The following KLHL24 variants were observed in gnomAD, a reference collection of about 807,000 sequenced individuals.
KLHL24 encodes kelch like family member 24.
In KLHL24, 29 loss-of-function variants were observed where a neutral mutation model predicts 53.4. That is an observed-to-expected ratio of 0.54 (90% confidence interval 0.40 to 0.74). The LOEUF (loss-of-function observed/expected upper bound fraction) is 0.74. Ranked by LOEUF, KLHL24 falls within the 30% of genes least tolerant of loss-of-function variation. The pLI, the probability that KLHL24 is intolerant of heterozygous loss-of-function variation, is 0.00. For missense variants in KLHL24, 504 were observed against 744.0 expected (o/e 0.68, Z 3.75); for synonymous variants, 222 against 253.7 (o/e 0.88, Z 1.19).
intron 2 of KLHL24, among the ~76,000 whole-genome samples, chr3:183,647,414 C>CA (rs1394808036): frequency 1.0e-4 from 15 of 147,288 alleles, no homozygotes; most frequent in Middle Eastern, 3.9e-3. Flanking sequence ...GACTCCGTCT[C>CA]AAAAAAAATT....
intron 1 of KLHL24, among the ~76,000 whole-genome samples, chr3:183,640,809 C>T (rs913993941): frequency 5.9e-5 from 9 of 151,920 alleles, no homozygotes; most frequent in Non-Finnish European, 1.0e-4. Context: ...ACTATGTTGG[C>T]CAGGCTGGTC....
intron 2 of KLHL24, among the ~76,000 whole-genome samples, chr3:183,649,736 T>TA (rs35862164): frequency 0.34 from 49,434 of 145,790 alleles, 8,855 homozygotes; most frequent in African/African-American, 0.48. Flanking sequence ...CTACAAAAAG[T>TA]AAAAAAAAAA....
chr3:183,639,373 G>C (rs1299167444), intron 1 of KLHL24, among the ~76,000 whole-genome samples: 1 of 152,146 alleles, frequency 6.6e-6, no homozygotes, highest in African/African-American at 2.4e-5. Flanking sequence ...GCTCACGCCT[G>C]TAATCCCAGC....
At chr3:183,656,550 G>A (rs1416426637) in intron 3 of KLHL24, among the ~76,000 whole-genome samples, 1 of 152,114 alleles carries the variant, frequency 6.6e-6, no homozygotes, top group Admixed American at 6.5e-5. Flanking sequence ...AACTTAAACA[G>A]GTCTTAAATT....
rs983971067 is a variant in KLHL24 at position 183,672,334 on chromosome 3, T to G, written c.1452T>G (p.Leu484=). 2 of 1,607,476 alleles carry G rather than the reference T, an allele frequency of 1.2e-6. No homozygotes were observed. The highest frequency in any genetic ancestry group is 1.7e-6 in the Non-Finnish European group (2 of 1,176,436). ...SYDPETNSWL[L]RAAIPIAKRC... ...ATCCAGAAACCAATTCTTGGCTACT[T>G]CGTGCAGCTATCCCAATTGCCAAAA... Residue 484 remains leucine, a synonymous_variant, in exon 7 of 8, where the codon CTT becomes CTG. Transcript: ENST00000242810.
Position 183,682,309 on chromosome 3 carries a change from C to G in KLHL24, c.*3023C>G. The G allele has an allele frequency of 6.6e-6, 1 of 152,138 alleles. No individual in the cohort carries two copies. 9.4% of individuals were successfully genotyped at this position (152,138 alleles called of 1,614,324 possible). The stretch of plus-strand genomic sequence containing the variant: ...TATGTGAGTCAGCTACAAAAGTGGT[C>G]TAATTTTTACAACAGTAGAACTTCC... On this transcript the variant is annotated 3_prime_UTR_variant, in exon 8 of 8. Transcript: ENST00000242810.
chr3:183,648,956 T>C (rs1443352449), intron 2 of KLHL24, among the ~76,000 whole-genome samples: 1 of 151,838 alleles, frequency 6.6e-6, no homozygotes, highest in Non-Finnish European at 1.5e-5. Flanking sequence ...TGAGTCAAGA[T>C]CGCGCCATTG....
Position 183,651,112 on chromosome 3 carries a change from G to C in KLHL24, c.756G>C (p.Leu252=). The change falls in exon 3 of 8, where the codon CTG becomes CTC. Residue 252 remains leucine (L), a synonymous_variant. Coordinates refer to ENST00000242810, the MANE Select transcript of KLHL24 (RefSeq NM_017644.3). ...DLRRPLLHEL[L]THVRLPLLHP... ...GAAGACCACTGTTACACGAGCTCCT[G>C]ACACATGTGAGACTCCCTCTGTTGC... 1 of 1,614,140 alleles carries C rather than the reference G, an allele frequency of 6.2e-7. No homozygotes were observed. Among genetic ancestry groups the C allele is most frequent in the Non-Finnish European group, 8.5e-7 (1 of 1,180,018 alleles).
chr3:183,641,233 G>A (rs1032422444), intron 1 of KLHL24, among the ~76,000 whole-genome samples: 4 of 151,968 alleles, frequency 2.6e-5, no homozygotes, highest in East Asian at 1.9e-4. Context: ...AGTGGCTCAC[G>A]CCTGTAATCC....
At chr3:183,656,059 T>TTTTTTTTC (rs1178459038) in intron 3 of KLHL24, among the ~76,000 whole-genome samples, 6 of 135,764 alleles carry the variant, frequency 4.4e-5, no homozygotes, top group African/African-American at 8.3e-5. Context: ...TTTTTTTTTT[T>TTTTTTTTC]TTTCTGAGAC....
intron 5 of KLHL24, among the ~76,000 whole-genome samples, chr3:183,665,629 A>G (rs997558901): frequency 1.3e-5 from 2 of 151,986 alleles, no homozygotes; most frequent in African/African-American, 4.8e-5. Context: ...GGGTGCCTGT[A>G]GTCCCAGCCA....
chr3:183,674,782 G>C (rs779185420), intron 7 of KLHL24, among the ~76,000 whole-genome samples: 1 of 152,102 alleles, frequency 6.6e-6, no homozygotes, highest in Non-Finnish European at 1.5e-5. Flanking sequence ...TGACCTTTCA[G>C]CTTCACATTC....
intron 5 of KLHL24, among the ~76,000 whole-genome samples, chr3:183,670,013 G>A (rs1373806592): frequency 6.6e-6 from 1 of 152,208 alleles, no homozygotes; most frequent in African/African-American, 2.4e-5. Context: ...GGAGGCTGAG[G>A]CAGGAGGATG....
rs1435602791 is a variant in KLHL24 at position 183,682,969 on chromosome 3, C to G, written c.*3683C>G. 1.4e-5 allele frequency: 2 copies of G among 139,906 alleles called. No individual in the cohort carries two copies. Among genetic ancestry groups the G allele is most frequent in the African/African-American group, 5.3e-5 (2 of 37,426 alleles). 8.7% of individuals were successfully genotyped at this position (139,906 alleles called of 1,614,324 possible). On this transcript the variant is annotated 3_prime_UTR_variant, in exon 8 of 8. Transcript: ENST00000242810. The stretch of plus-strand genomic sequence containing the variant: ...TTTTTTTTTGGGGAAGGGGGGAGAA[C>G]GGGGTCTTGCTCTGTCGCCCAGGCT...
rs1279376289 is a variant in KLHL24 at position 183,651,160 on chromosome 3, A to T, written c.804A>T (p.Thr268=). The T allele has an allele frequency of 1.9e-5, 31 of 1,614,174 alleles. No homozygotes were observed. The highest frequency in any genetic ancestry group is 2.6e-5 in the Non-Finnish European group (31 of 1,180,014). ...TGCATCCCAACTACTTTGTTCAAAC[A>T]GTTGAAGTGGACCAATTGATCCAGA... ...PLLHPNYFVQ[T]VEVDQLIQNS... is the part of the protein sequence containing the mutation. The change falls in exon 3 of 8, where the codon ACA becomes ACT. Residue 268 remains threonine, a synonymous_variant. Transcript: ENST00000242810.
intron 1 of KLHL24, chr3:183,643,091 A>G (rs1716705080): frequency 6.6e-6 from 1 of 152,248 alleles, no homozygotes; most frequent in Admixed American, 6.5e-5. Flanking sequence ...TTAGCTGGGC[A>G]TGGCGGCACA....
chr3:183,665,035 G>GTT lies in KLHL24; in HGVS notation c.1221_1222insTT (p.Lys408LeufsTer18). The stretch of plus-strand genomic sequence containing the variant: ...CGTCACAAAATGGCTGTCCTCCTTG[G>GTT]TAAAGTAAGAGAAACCACTTTTTAT... On this transcript the variant is annotated frameshift_variant, in exon 5 of 8. Coordinates refer to ENST00000242810, the MANE Select transcript of KLHL24 (RefSeq NM_017644.3). LOFTEE classifies it high-confidence loss of function. 1 of 1,574,884 alleles carries GTT rather than the reference G, an allele frequency of 6.3e-7. No homozygotes were observed. Among genetic ancestry groups the GTT allele is most frequent in the South Asian group, 1.1e-5 (1 of 89,150 alleles).
Position 183,650,217 on chromosome 3 carries a change from G to A in KLHL24, c.-61-79G>A, listed in dbSNP as rs3755649. On this transcript the variant is annotated intron_variant, in intron 2 of 7. Transcript: ENST00000242810. The surrounding 1 kb of genome is among the most constrained non-coding windows in gnomAD (Gnocchi z 4.5). ...ATATATTATGTGATTTTGTTGTAGT[G>A]TTTATATTAAAATGAAATTATGTGA... The A allele has an allele frequency of 0.28, 180,927 of 636,122 alleles. 27,578 individuals carry two copies. Among genetic ancestry groups the A allele is most frequent in the East Asian group, 0.47 (17,020 of 36,314 alleles). The allele number at this position is 636,122 out of a possible 1,614,324, so 39.4% of individuals were successfully genotyped here.
chr3:183,647,492 C>T (rs1717459811), intron 2 of KLHL24, among the ~76,000 whole-genome samples: 2 of 151,310 alleles, frequency 1.3e-5, no homozygotes, highest in Admixed American at 1.3e-4. Context: ...GCGGGTGGAT[C>T]ACGAGGTCAG....
Sources: allele counts gnomAD v4.1 joint callset (sites outside exome capture counted in the v4.1 genomes callset), GRCh38; gene constraint gnomAD v4.1.1; non-coding constraint Gnocchi (gnomAD v3.1); transcripts MANE v1.5; gene names NCBI Gene and HGNC (gene_info 2026-07-23, HGNC 2026-07-21).